Variants in SGSM3 observed in about 807,000 individuals in gnomAD.
The protein encoded by SGSM3 is small G protein signaling modulator 3, also known as RUN and SH3 containing 3.
Under a neutral mutation model 100.5 loss-of-function variants are expected in SGSM3, and 96 were observed. The ratio of observed to expected loss-of-function variants is 0.96; its 90% CI spans 0.81 to 1.13. The LOEUF is 1.13. Among genes scored for constraint, SGSM3 ranks in the 50% most tolerant of loss-of-function variants. The probability of loss-of-function intolerance (pLI) is 0.00; values close to 1 mark genes in which losing one functional copy is unlikely to be tolerated. For synonymous variants in SGSM3, 483 were observed against 422.8 expected (o/e 1.14, Z -1.75); for missense variants, 1,001 against 1,015.8 (o/e 0.99, Z 0.20).
intron 1 of SGSM3, among the ~76,000 whole-genome samples, chr22:40,394,686 C>G (rs1691058079): frequency 6.6e-6 from 1 of 150,972 alleles, no homozygotes; most frequent in Non-Finnish European, 1.5e-5. Context: ...TTTGCCATGG[C>G]TAGAAGGGCC....
chr22:40,375,297 A>T (rs2046361048), intron 1 of SGSM3, among the ~76,000 whole-genome samples: 1 of 152,142 alleles, frequency 6.6e-6, no homozygotes, highest in South Asian at 2.1e-4. Flanking sequence ...TTAGATTGAT[A>T]GGCCGGTTGT....
In SGSM3 at chr22:40,404,411, C is replaced by T. The variant is rs61729160; in HGVS notation, c.322C>T (p.Arg108Cys). Residue 108 changes from arginine to cysteine, a missense_variant, in exon 5 of 22, where the codon CGC (arginine) becomes TGC (cysteine). Transcript: ENST00000248929. ...AVSLPRSEKL[R>C]SLVLAGIPHG... ...CTCCCTACCCCGCTCTGAGAAGCTCCGCTCCCTGGTGCTGGCCGGCATCCC... is the reference window on the plus strand; with the variant it reads ...CTCCCTACCCCGCTCTGAGAAGCTCTGCTCCCTGGTGCTGGCCGGCATCCC... The T allele has an allele frequency of 6.5e-5, 104 of 1,607,880 alleles. 1 individual carries two copies. The highest frequency in any genetic ancestry group is 5.0e-4 in the Middle Eastern group (3 of 6,032).
rs1358172381 is a variant in SGSM3, at chr22:40,409,811, C to T, written c.*52C>T. On this transcript the variant is annotated 3_prime_UTR_variant, in exon 22 of 22. Coordinates refer to ENST00000248929, the MANE Select transcript of SGSM3 (RefSeq NM_015705.6). ...GCCTGCGTCTGAGGTGGCCCAGGAC[C>T]CCAAGCTGCAGAGCCCAGGGAAGAG... 6.3e-7 allele frequency: 1 copy of T among 1,578,280 alleles called. No homozygotes were observed. The highest frequency in any genetic ancestry group is 8.6e-7 in the Non-Finnish European group (1 of 1,167,096).
Position 40,407,529 on chromosome 22 carries a change from C to T in SGSM3, c.1485C>T (p.Asp495=), listed in dbSNP as rs368931720. 211 of 1,606,934 alleles carry T rather than the reference C, an allele frequency of 1.3e-4. No homozygotes were observed. Among genetic ancestry groups the T allele is most frequent in the African/African-American group, 2.1e-4 (16 of 75,060 alleles). Reference sequence around the variant, plus strand: ...CCCTGCTGGACTTTGAGCGGCACGACGACGACGAGCTGGGCTTCCGCAAGA... The same window carrying T: ...CCCTGCTGGACTTTGAGCGGCACGATGACGACGAGCTGGGCTTCCGCAAGA... ...AKALLDFERH[D]DDELGFRKND... The change falls in exon 13 of 22, where the codon GAC becomes GAT. Residue 495 remains aspartate (D), a synonymous_variant. Coordinates refer to ENST00000248929, the MANE Select transcript of SGSM3 (RefSeq NM_015705.6). The surrounding 1 kb of genome is among the most constrained non-coding windows in gnomAD (Gnocchi z 4.7).
intron 19 of SGSM3, 84 bp from the exon 20 acceptor site, chr22:40,409,166 G>A: frequency 6.4e-7 from 1 of 1,557,988 alleles, no homozygotes; most frequent in Non-Finnish European, 8.7e-7. Context: ...GAGCTGCTGA[G>A]AGACAGGTCA....
Position 40,408,077 on chromosome 22 carries a change from T to C in SGSM3, c.1586T>C (p.Phe529Ser). 1.2e-6 allele frequency: 2 copies of C among 1,613,460 alleles called. No individual in the cohort carries two copies. The highest frequency in any genetic ancestry group is 1.7e-6 in the Non-Finnish European group (2 of 1,179,832). Residue 529 changes from phenylalanine (F) to serine (S), a missense_variant, in exon 15 of 22, where the codon TTT becomes TCT. Coordinates refer to ENST00000248929, the MANE Select transcript of SGSM3 (RefSeq NM_015705.6). ...VGELNGLRGW[F>S]PAKFVEVLDE... ...GGGCCTGTTTTTCCCACAGGCTGGT[T>C]TCCAGCCAAGTTCGTGGAAGTCCTG...
intron 2 of SGSM3, 65 bp from the exon 3 acceptor site, chr22:40,401,528 G>A (rs926063215): frequency 2.0e-5 from 26 of 1,305,854 alleles, no homozygotes; most frequent in Non-Finnish European, 2.8e-5. Flanking sequence ...TTACAGGCGT[G>A]AGCCACTGCG....
At position 40,407,498 on chromosome 22, in the gene SGSM3, C is replaced by T; in HGVS notation, c.1454C>T (p.Ala485Val). 1 of 1,610,912 alleles carries T rather than the reference C, an allele frequency of 6.2e-7. No individual in the cohort carries two copies. The highest frequency in any genetic ancestry group is 8.5e-7 in the Non-Finnish European group (1 of 1,180,000). ...TGCTCACGCAGCCACCGGCGCCGAG[C>T]CAAGGCCCTGCTGGACTTTGAGCGG... ...VACSRSHRRR[A>V]KALLDFERHD... Residue 485 changes from alanine (A) to valine (V), a missense_variant, in exon 13 of 22, where the codon GCC becomes GTC. By Grantham distance (64) the Ala-to-Val change is moderately conservative. Coordinates refer to ENST00000248929, the MANE Select transcript of SGSM3 (RefSeq NM_015705.6). The surrounding 1 kb of genome is among the most constrained non-coding windows in gnomAD (Gnocchi z 4.7).
Position 40,406,665 on chromosome 22 carries a change from G to A in SGSM3, c.1185+3G>A, listed in dbSNP as rs757368818. ...GCACCCTCACCAACCTCTCTCAGGT[G>A]GCCCAGGATGGGGGGCCGCACCTTG... is the stretch of plus-strand genomic sequence containing the variant. On this transcript the variant is annotated splice_donor_region_variant and intron_variant, in intron 10 of 21. Coordinates refer to ENST00000248929, the MANE Select transcript of SGSM3 (RefSeq NM_015705.6). 1 of 1,605,094 alleles carries A rather than the reference G, an allele frequency of 6.2e-7. No homozygotes were observed. Among genetic ancestry groups the A allele is most frequent in the Middle Eastern group, 1.7e-4 (1 of 6,022 alleles).
chr22:40,407,954 C>T lies in SGSM3; in HGVS notation c.1579+111C>T. 3.4e-6 allele frequency: 5 copies of T among 1,450,244 alleles called. No homozygotes were observed. The highest frequency in any genetic ancestry group is 4.7e-6 in the Non-Finnish European group (5 of 1,053,988). The allele number at this position is 1,450,244 out of a possible 1,614,324, so 89.8% of individuals were successfully genotyped here. A position where few individuals can be genotyped will look rare whatever the true frequency, so the allele number is the denominator to read the frequency against. On this transcript the variant is annotated intron_variant, in intron 14 of 21. Transcript: ENST00000248929. The surrounding 1 kb of genome is among the most constrained non-coding windows in gnomAD (Gnocchi z 4.7). ...TGTTCTCCTCTATACACCTGCCTGG[C>T]TTGAGGTCCCTGAAGCAGCTGAGCC...
rs1001511348 is a variant in SGSM3, at chr22:40,407,698, G to A, written c.1525-91G>A. ...TGTGAAGATGTAGGGGTCTTGGCCT[G>A]GCCTAGTTGCTGAGGAGTCATATCG... On this transcript the variant is annotated intron_variant, in intron 13 of 21. Coordinates refer to ENST00000248929, the MANE Select transcript of SGSM3 (RefSeq NM_015705.6). This position sits in a 1 kb window ranked among gnomAD's most constrained non-coding sequence, Gnocchi z 4.7. The A allele has an allele frequency of 1.2e-5, 19 of 1,585,770 alleles. No individual in the cohort carries two copies. The highest frequency in any genetic ancestry group is 1.6e-5 in the Non-Finnish European group (19 of 1,155,584).
rs905224209 is a variant in SGSM3 at position 40,405,553 on chromosome 22, G to C, written c.619-96G>C. 4 of 1,181,870 alleles carry C rather than the reference G, an allele frequency of 3.4e-6. No individual in the cohort carries two copies. In the Admixed American group the frequency reaches 9.0e-5, roughly 27 times the overall value. 73.2% of individuals were successfully genotyped at this position (1,181,870 alleles called of 1,614,324 possible). A position where few individuals can be genotyped will look rare whatever the true frequency, so the allele number is the denominator to read the frequency against. ...GGGTTCCAGCATGCGTGCCCCCCAA[G>C]AGGCTTTTGCTAATTGGTCTCCCTA... On this transcript the variant is annotated intron_variant, in intron 7 of 21. Transcript: ENST00000248929.
At chr22:40,403,865 T>C (rs2051082184) in intron 4 of SGSM3, among the ~76,000 whole-genome samples, 1 of 152,108 alleles carries the variant, frequency 6.6e-6, no homozygotes, top group African/African-American at 2.4e-5. Context: ...ACAAGGGCCA[T>C]GGTCAGGGGT....
chr22:40,379,135 T>A (rs2047140533), intron 1 of SGSM3, among the ~76,000 whole-genome samples: 1 of 152,232 alleles, frequency 6.6e-6, no homozygotes, highest in South Asian at 2.1e-4. Flanking sequence ...ATTTTTTAAG[T>A]TACTTCTTTC....
At chr22:40,406,779 C>T (rs572016467) in intron 10 of SGSM3, 117 bp downstream of exon 10, 3 of 955,692 alleles carry the variant, frequency 3.1e-6, no homozygotes, top group Non-Finnish European at 4.8e-6. Context: ...CTCTGCCCCC[C>T]AGCCTGGCCC....
chr22:40,389,414 A>C (rs986840990), intron 1 of SGSM3, among the ~76,000 whole-genome samples: 32 of 147,580 alleles, frequency 2.2e-4, no homozygotes, highest in African/African-American at 7.5e-4. Flanking sequence ...CCCGGCTAAC[A>C]CGGTGAAACC....
chr22:40,402,814 C>G (rs1234431605), intron 4 of SGSM3, among the ~76,000 whole-genome samples: 2 of 152,178 alleles, frequency 1.3e-5, no homozygotes, highest in Admixed American at 1.3e-4. Flanking sequence ...TGGATAACTA[C>G]TTTTCTATAA....
At chr22:40,388,025 T>C (rs925725838) in intron 1 of SGSM3, 11 of 152,204 alleles carry the variant, frequency 7.2e-5, no homozygotes, top group African/African-American at 2.7e-4. Flanking sequence ...CAGTCTCGCC[T>C]AAAGGAACAC....
intron 1 of SGSM3, among the ~76,000 whole-genome samples, chr22:40,397,036 C>T (rs1002510955): frequency 1.8e-4 from 28 of 152,164 alleles, no homozygotes; most frequent in African/African-American, 6.8e-4. Flanking sequence ...AACAGGAGGG[C>T]AGCCACCCTG....
Sources: gnomAD v4.1 joint callset for allele counts (sites outside exome capture counted in the v4.1 genomes callset) on GRCh38, gnomAD v4.1.1 for gene constraint, Gnocchi (gnomAD v3.1) non-coding constraint, MANE v1.5 for transcripts, NCBI Gene and HGNC (gene_info 2026-07-23, HGNC 2026-07-21) for gene names.